Variants in KIAA1217 observed in about 807,000 individuals in gnomAD.
KIAA1217 encodes the protein KIAA1217.
A neutral mutation model predicts 163.9 loss-of-function variants in KIAA1217; 88 were observed. The observed-to-expected ratio is 0.54, with a 90% confidence interval of 0.45 to 0.64. KIAA1217 has a LOEUF of 0.64. KIAA1217 is among the 30% of genes least tolerant of loss of function. The probability of loss-of-function intolerance (pLI) is 0.00; values close to 1 mark genes in which losing one functional copy is unlikely to be tolerated. For missense variants in KIAA1217, 2,372 were observed against 2,475.0 expected (o/e 0.96, Z 0.88); for synonymous variants, 903 against 923.1 (o/e 0.98, Z 0.39).
rs906226090 is a variant in KIAA1217 at position 24,387,552 on chromosome 10, A to G, written c.553+6485A>G. Among the ~76,000 whole-genome samples, 40 of 152,328 alleles carry G rather than the reference A, an allele frequency of 2.6e-4. 1 individual carries two copies. Among genetic ancestry groups the G allele is most frequent in the Admixed American group, 1.4e-3 (22 of 15,290 alleles). On this transcript the variant is annotated intron_variant, in intron 3 of 20. Coordinates refer to ENST00000376454, the MANE Select transcript of KIAA1217 (RefSeq NM_019590.5). ...CAACATAGTGTTGGAAGTTCTGGCCAGGGCAATCAGGCAAGAGAAAGAAAT... is the reference window on the plus strand; with the variant it reads ...CAACATAGTGTTGGAAGTTCTGGCCGGGGCAATCAGGCAAGAGAAAGAAAT...
chr10:24,245,235 T>A (rs541059602), intron 2 of KIAA1217, among the ~76,000 whole-genome samples: 4 of 152,332 alleles, frequency 2.6e-5, no homozygotes, highest in Non-Finnish European at 4.4e-5. Context: ...TTTCCTACTC[T>A]GAGTTTCACT....
At chr10:23,704,893 A>G (rs760849308) in intron 1 of KIAA1217, among the ~76,000 whole-genome samples, 1 of 152,118 alleles carries the variant, frequency 6.6e-6, no homozygotes, top group Non-Finnish European at 1.5e-5. Context: ...TGGTTTCCAG[A>G]GCAGCTGCAT....
chr10:23,727,028 C>G (rs187640329), intron 1 of KIAA1217, among the ~76,000 whole-genome samples: 1,322 of 127,506 alleles, frequency 0.01, 12 homozygotes, highest in Non-Finnish European at 0.014. Context: ...TGCTCTGTCA[C>G]CCAGGCTGGA....
chr10:24,490,047 C>T (rs16924831), intron 6 of KIAA1217, among the ~76,000 whole-genome samples: 4,072 of 152,024 alleles, frequency 0.027, 167 homozygotes, highest in African/African-American at 0.09. Flanking sequence ...TTAGAGTAAT[C>T]GGACTTTTAA....
intron 1 of KIAA1217, among the ~76,000 whole-genome samples, chr10:23,721,916 C>A (rs1470564280): frequency 6.6e-6 from 1 of 151,832 alleles, no homozygotes; most frequent in Non-Finnish European, 1.5e-5. Context: ...CTTGCTTTTA[C>A]AAATATTTCC....
intron 2 of KIAA1217, among the ~76,000 whole-genome samples, chr10:24,260,657 A>T (rs1171784432): frequency 6.7e-6 from 1 of 149,852 alleles, no homozygotes; most frequent in Non-Finnish European, 1.5e-5. Flanking sequence ...AGGCGGGAGG[A>T]TCACTTGAGC....
chr10:23,832,858 TCATGG>T (rs1217797569), intron 1 of KIAA1217, among the ~76,000 whole-genome samples: 29 of 152,124 alleles, frequency 1.9e-4, no homozygotes, highest in African/African-American at 6.5e-4. Context: ...GGCCTCACAA[TCATGG>T]CAGAAGGCGA....
intron 1 of KIAA1217, among the ~76,000 whole-genome samples, chr10:23,716,030 G>C (rs892156744): frequency 6.6e-6 from 1 of 152,156 alleles, no homozygotes; most frequent in Admixed American, 6.6e-5. Context: ...GCATGTTTCA[G>C]TCTTGAAAGG....
Position 24,520,186 on chromosome 10 carries a change from T to G in KIAA1217, c.2241T>G (p.Thr747=), listed in dbSNP as rs2070873927. ...KDSTAASRLV[T]LKDVEDGAFL... ...CCACGGCAGCCAGCCGATTGGTTAC[T>G]CTGAAAGACGTGGAAGACGGGGCTT... Residue 747 remains threonine, a synonymous_variant, in exon 11 of 21, where the codon ACT becomes ACG. Transcript: ENST00000376454. 22 of 1,614,000 alleles carry G rather than the reference T, an allele frequency of 1.4e-5. No individual in the cohort carries two copies. The highest frequency in any genetic ancestry group is 1.8e-5 in the Non-Finnish European group (21 of 1,180,028).
intron 5 of KIAA1217, among the ~76,000 whole-genome samples, chr10:24,459,871 C>T (rs1220265802): frequency 6.6e-6 from 1 of 152,196 alleles, no homozygotes; most frequent in African/African-American, 2.4e-5. Flanking sequence ...TTCAAGGCTT[C>T]AGTGAGCTAT....
At chr10:24,436,052 G>T (rs144712324) in intron 4 of KIAA1217, among the ~76,000 whole-genome samples, 1 of 151,896 alleles carries the variant, frequency 6.6e-6, no homozygotes, top group African/African-American at 2.4e-5. Context: ...GTAGAGATGG[G>T]GTTTCACCAT....
At chr10:24,134,794 C>T (rs2063775610) in intron 2 of KIAA1217, among the ~76,000 whole-genome samples, 1 of 152,122 alleles carries the variant, frequency 6.6e-6, no homozygotes, top group Non-Finnish European at 1.5e-5. Context: ...CCAAGCTGAT[C>T]TCGAACTCCT....
intron 2 of KIAA1217, among the ~76,000 whole-genome samples, chr10:24,104,498 T>G (rs946254522): frequency 6.6e-6 from 1 of 152,148 alleles, no homozygotes; most frequent in African/African-American, 2.4e-5. Context: ...GATCAGTGGT[T>G]GTCAGGTTCT....
chr10:23,753,608 T>C (rs190985559), intron 1 of KIAA1217, among the ~76,000 whole-genome samples: 2 of 152,310 alleles, frequency 1.3e-5, no homozygotes, highest in African/African-American at 4.8e-5. Flanking sequence ...GGAGTAGGAA[T>C]CTCACTGATT....
At chr10:24,221,533 T>C (rs763528854) in intron 2 of KIAA1217, among the ~76,000 whole-genome samples, 1 of 152,226 alleles carries the variant, frequency 6.6e-6, no homozygotes, top group Non-Finnish European at 1.5e-5. Context: ...TTGAAATCTA[T>C]ACTTTATTCT....
intron 2 of KIAA1217, among the ~76,000 whole-genome samples, chr10:24,038,867 T>C (rs1033066933): frequency 6.7e-6 from 1 of 148,890 alleles, no homozygotes; most frequent in East Asian, 2.1e-4. Flanking sequence ...TCCTCCTGCC[T>C]CAGCCTCTTG....
chr10:23,735,297 G>A (rs1838733411), intron 1 of KIAA1217, among the ~76,000 whole-genome samples: 1 of 151,832 alleles, frequency 6.6e-6, no homozygotes, highest in Non-Finnish European at 1.5e-5. Context: ...ACAGTGGTGC[G>A]ATCTCAGCTC....
intron 3 of KIAA1217, among the ~76,000 whole-genome samples, chr10:24,401,000 G>C (rs994689298): frequency 2.0e-4 from 18 of 91,746 alleles, no homozygotes; most frequent in African/African-American, 1.1e-3. Context: ...CACACACACA[G>C]GCCCACTTTG....
intron 3 of KIAA1217, among the ~76,000 whole-genome samples, chr10:24,383,536 T>C (rs533466036): frequency 7.9e-5 from 12 of 152,288 alleles, no homozygotes; most frequent in Admixed American, 3.9e-4. Flanking sequence ...ATTGCTCCAT[T>C]TTACTCAGCA....
Sources: allele counts gnomAD v4.1 joint callset (sites outside exome capture counted in the v4.1 genomes callset), GRCh38; gene constraint gnomAD v4.1.1; transcripts MANE v1.5; gene names NCBI Gene and HGNC (gene_info 2026-07-23, HGNC 2026-07-21).